Variants in DNAH6 observed in about 807,000 individuals in gnomAD.
DNAH6 encodes the protein dynein axonemal heavy chain 6, also known as axonemal beta dynein heavy chain 6.
In DNAH6, 340 loss-of-function variants were observed where a neutral mutation model predicts 491.4. The observed-to-expected ratio is 0.69, with a 90% CI of 0.63 to 0.76. The LOEUF is 0.76. DNAH6 is among the 30% of genes least tolerant of loss of function. The pLI is 0.00. For missense variants in DNAH6, 4,443 were observed against 4,972.2 expected, an observed-to-expected ratio of 0.89 and a Z score of 3.20; for synonymous variants, 1,603 against 1,686.1, an observed-to-expected ratio of 0.95 and a Z score of 1.21.
intron 45 of DNAH6, among the ~76,000 whole-genome samples, chr2:84,690,277 A>G (rs1227546470): frequency 6.6e-6 from 1 of 152,104 alleles, no homozygotes; most frequent in Non-Finnish European, 1.5e-5. Flanking sequence ...CACCTGTTCC[A>G]TATTTCAGCT....
At chr2:84,732,263 G>GTT (rs112627636) in intron 61 of DNAH6, among the ~76,000 whole-genome samples, 31 of 151,950 alleles carry the variant, frequency 2.0e-4, no homozygotes, top group African/African-American at 7.3e-4. Flanking sequence ...CAGATCTGGA[G>GTT]TTTTTTCAGT....
Position 84,653,755 on chromosome 2 carries a change from G to C in DNAH6, c.5515G>C (p.Gly1839Arg), listed in dbSNP as rs1458798987. ...SEDHKWIISD[G>R]PVDALWIENM... ...AGACCATAAATGGATCATCAGTGAT[G>C]GGCCAGTAGATGCTCTTTGGATTGA... The change falls in exon 34 of 77, where the codon GGG becomes CGG. Residue 1839 changes from glycine to arginine, a missense_variant. Around this residue, in one of 3 missense-constraint regions of DNAH6, gnomAD observed 2,977 missense variants for 3,296.6 expected, o/e 0.90. Transcript: ENST00000389394. 3 of 1,551,186 alleles carry C rather than the reference G, an allele frequency of 1.9e-6. No homozygotes were observed. Among genetic ancestry groups the C allele is most frequent in the Admixed American group, 2.0e-5 (1 of 50,952 alleles).
intron 33 of DNAH6, among the ~76,000 whole-genome samples, chr2:84,647,726 A>C (rs181784381): frequency 3.3e-4 from 50 of 152,328 alleles, no homozygotes; most frequent in South Asian, 2.3e-3. Context: ...ATTTAACCCG[A>C]GATAACTTTG....
chr2:84,753,383 TG>T (rs1461419379), intron 63 of DNAH6, among the ~76,000 whole-genome samples: 1 of 152,160 alleles, frequency 6.6e-6, no homozygotes, highest in Non-Finnish European at 1.5e-5. Flanking sequence ...TTAATTTTGA[TG>T]ATGTCCAGTT....
the DNAH6 span, among the ~76,000 whole-genome samples, chr2:84,502,457 T>C: frequency 6.6e-6 from 1 of 152,200 alleles, no homozygotes; most frequent in Non-Finnish European, 1.5e-5. Flanking sequence ...TCCCTGAGAA[T>C]AATTCATGTG....
chr2:84,814,151 G>A lies in DNAH6; in HGVS notation c.12150+29G>A, dbSNP rs377443533. The A allele has an allele frequency of 8.4e-5, 130 of 1,546,498 alleles. No individual in the cohort carries two copies. The African/African-American group carries it at 1.5e-3, about 18-fold the overall frequency. Reference sequence around the variant, plus strand: ...TTGTCCACCTGGCTGTTATGGCAAAGCAGCTTCTATCCCACTGTCTTTGAA... The same window carrying A: ...TTGTCCACCTGGCTGTTATGGCAAAACAGCTTCTATCCCACTGTCTTTGAA... On this transcript the variant is annotated intron_variant, in intron 75 of 76. Coordinates refer to ENST00000389394, the MANE Select transcript of DNAH6 (RefSeq NM_001370.2).
At chr2:84,697,511 AT>A in intron 46 of DNAH6, 63 bp from the exon 47 acceptor site, 1 of 1,412,364 alleles carries the variant, frequency 7.1e-7, no homozygotes, top group South Asian at 1.5e-5. Flanking sequence ...TAGAATAAAT[AT>A]TTGCTTTATA....
intron 13 of DNAH6, 42 bp downstream of exon 13, chr2:84,577,450 T>C: frequency 7.0e-7 from 1 of 1,421,568 alleles, no homozygotes; most frequent in Non-Finnish European, 9.5e-7. Flanking sequence ...TCCTCTACAA[T>C]TATTTTATGA....
chr2:84,558,379 G>A (rs1486452569), intron 11 of DNAH6, among the ~76,000 whole-genome samples: 11 of 150,244 alleles, frequency 7.3e-5, no homozygotes, highest in South Asian at 2.1e-4. Flanking sequence ...AGCCGAGATC[G>A]CGCCACTGCA....
intron 21 of DNAH6, among the ~76,000 whole-genome samples, chr2:84,609,141 GA>G (rs1686061949): frequency 6.6e-6 from 1 of 152,110 alleles, no homozygotes; most frequent in Non-Finnish European, 1.5e-5. Flanking sequence ...TGGCTTAAGG[GA>G]ATGTTATGGT....
intron 10 of DNAH6, among the ~76,000 whole-genome samples, chr2:84,554,869 G>C (rs1215065753): frequency 6.6e-6 from 1 of 152,196 alleles, no homozygotes; most frequent in African/African-American, 2.4e-5. Flanking sequence ...GCAGCTTGCT[G>C]TCCTTTACCC....
At chr2:84,805,640 G>C in intron 70 of DNAH6, 25 bp from the exon 71 acceptor site, 1 of 1,532,772 alleles carries the variant, frequency 6.5e-7, no homozygotes, top group Non-Finnish European at 8.8e-7. Flanking sequence ...AGTCTTCACT[G>C]TTCTGTCTCT....
intron 41 of DNAH6, among the ~76,000 whole-genome samples, chr2:84,679,779 C>T (rs547815683): frequency 3.3e-5 from 5 of 152,330 alleles, no homozygotes; most frequent in Non-Finnish European, 7.3e-5. Context: ...TGAGCACCTT[C>T]CATACGCCTG....
intron 67 of DNAH6, 34 bp downstream of exon 67, chr2:84,785,790 G>A: frequency 1.4e-6 from 2 of 1,465,458 alleles, no homozygotes; most frequent in East Asian, 2.6e-5. Flanking sequence ...TAGCAACAAG[G>A]AAGTGTATTA....
intron 11 of DNAH6, among the ~76,000 whole-genome samples, chr2:84,571,546 T>A (rs1483533733): frequency 6.6e-6 from 1 of 152,070 alleles, no homozygotes; most frequent in Non-Finnish European, 1.5e-5. Flanking sequence ...CATGCACATA[T>A]ACACACAACT....
the DNAH6 span, among the ~76,000 whole-genome samples, chr2:84,471,417 T>C: frequency 6.6e-6 from 1 of 152,200 alleles, no homozygotes; most frequent in Admixed American, 6.5e-5. Flanking sequence ...AGAGGACCCT[T>C]AATCCTAGGA....
chr2:84,740,103 G>A (rs539217910), intron 62 of DNAH6, among the ~76,000 whole-genome samples: 1 of 151,698 alleles, frequency 6.6e-6, no homozygotes, highest in Admixed American at 6.6e-5. Flanking sequence ...TGTATATTGT[G>A]TATGATTAAT....
At chr2:84,494,050 A>AG in the DNAH6 span, among the ~76,000 whole-genome samples, 1 of 152,172 alleles carries the variant, frequency 6.6e-6, no homozygotes, top group Non-Finnish European at 1.5e-5. Context: ...GTGAGATCAG[A>AG]GGCAGCAGTT....
Position 84,686,532 on chromosome 2 carries a change from C to T in DNAH6, c.7112C>T (p.Pro2371Leu), listed in dbSNP as rs1462300420. ...AIDLEYFLNK[P>L]IIFGDFIKFG... ...GACCTGGAATATTTTTTGAATAAGC[C>T]CATCATATTTGGAGATTTCATTAAG... is the stretch of plus-strand genomic sequence containing the variant. The change falls in exon 44 of 77, where the codon CCC becomes CTC. Residue 2371 changes from proline (P) to leucine (L), a missense_variant. Transcript: ENST00000389394. The T allele has an allele frequency of 1.3e-6, 2 of 1,535,716 alleles. No homozygotes were observed. Among genetic ancestry groups the T allele is most frequent in the South Asian group, 2.4e-5 (2 of 81,814 alleles).
Sources: allele counts gnomAD v4.1 joint callset (sites outside exome capture counted in the v4.1 genomes callset), GRCh38; gene constraint gnomAD v4.1.1; regional missense constraint gnomAD v4.1.1; transcripts MANE v1.5; gene names NCBI Gene and HGNC (gene_info 2026-07-23, HGNC 2026-07-21).